Variants in MINDY4 observed in about 807,000 individuals in gnomAD.
MINDY4 encodes the protein probable ubiquitin carboxyl-terminal hydrolase MINDY-4.
A neutral mutation model predicts 87.0 loss-of-function variants in MINDY4; 68 were observed. The observed-to-expected ratio is 0.78, with a 90% CI of 0.64 to 0.96. MINDY4 has a LOEUF of 0.96. MINDY4 is among the 40% of genes least tolerant of loss of function. The probability of loss-of-function intolerance (pLI) is 0.00; values close to 1 mark genes in which losing one functional copy is unlikely to be tolerated. For missense variants in MINDY4, 919 were observed against 928.2 expected, an observed-to-expected ratio of 0.99 and a Z score of 0.13; for synonymous variants, 379 against 363.2, an observed-to-expected ratio of 1.04 and a Z score of -0.50.
intron 5 of MINDY4, among the ~76,000 whole-genome samples, chr7:30,816,108 G>C (rs1788140813): frequency 6.6e-6 from 1 of 151,934 alleles, no homozygotes; most frequent in South Asian, 2.1e-4. Context: ...CCAGCTGGAT[G>C]AGCTGTATCT....
In MINDY4 at chr7:30,791,243, G is replaced by A. The variant is rs751028070; in HGVS notation, c.742G>A (p.Val248Ile). 10 of 1,614,010 alleles carry A rather than the reference G, an allele frequency of 6.2e-6. No individual in the cohort carries two copies. Among genetic ancestry groups the A allele is most frequent in the Middle Eastern group, 1.6e-4 (1 of 6,084 alleles). Residue 248 changes from valine to isoleucine, a missense_variant, in exon 5 of 18, where the codon GTC (valine) becomes ATC (isoleucine). By Grantham distance (29) the Val-to-Ile change is conservative. Transcript: ENST00000265299. ...STQPQEESRK[V>I]PELFVCTQQD... The stretch of plus-strand genomic sequence containing the variant: ...CCAACCCCAAGAAGAGAGCCGGAAG[G>A]TCCCTGAGCTCTTTGTCTGCACCCA...
intron 5 of MINDY4, among the ~76,000 whole-genome samples, chr7:30,823,934 A>G (rs1286902036): frequency 6.6e-6 from 1 of 152,210 alleles, no homozygotes; most frequent in Non-Finnish European, 1.5e-5. Context: ...GTGCTGGGGT[A>G]TCACTGACTT....
intron 5 of MINDY4, among the ~76,000 whole-genome samples, chr7:30,818,568 C>A (rs183504587): frequency 6.6e-6 from 1 of 152,254 alleles, no homozygotes; most frequent in African/African-American, 2.4e-5. Flanking sequence ...GGACACTTGC[C>A]TCTCCTGCAC....
At chr7:30,844,999 A>G in intron 9 of MINDY4, among the ~76,000 whole-genome samples, 1 of 152,166 alleles carries the variant, frequency 6.6e-6, no homozygotes, top group Non-Finnish European at 1.5e-5. Context: ...AGAGGGAAAG[A>G]TGGTTGTTCA....
intron 5 of MINDY4, among the ~76,000 whole-genome samples, chr7:30,803,841 T>C (rs1787730502): frequency 2.6e-5 from 4 of 152,216 alleles, no homozygotes; most frequent in Non-Finnish European, 5.9e-5. Context: ...TGTACACTTA[T>C]GGTGGGTCAT....
chr7:30,778,073 G>T (rs1164057062), intron 1 of MINDY4, among the ~76,000 whole-genome samples: 1 of 152,160 alleles, frequency 6.6e-6, no homozygotes, highest in Non-Finnish European at 1.5e-5. Flanking sequence ...CCATCTCCTG[G>T]TTTCCCCATC....
At position 30,785,880 on chromosome 7, in the gene MINDY4, A is replaced by T. The variant is rs770351539; in HGVS notation, c.551A>T (p.Lys184Met). ...VLTSAWEKID[K>M]LHSEPSLDVK... is the part of the protein sequence containing the mutation. ...ACTTCTGCATGGGAGAAGATAGACA[A>T]GCTTCACTCGGAGCCTTCCTTGGAT... The change falls in exon 4 of 18, where the codon AAG becomes ATG. Residue 184 changes from lysine (K) to methionine (M), a missense_variant. By Grantham distance (95) the Lys-to-Met change is moderately conservative (BLOSUM62 -1). Coordinates refer to ENST00000265299, the MANE Select transcript of MINDY4 (RefSeq NM_032222.3). The T allele has an allele frequency of 1.9e-6, 3 of 1,614,228 alleles. No individual in the cohort carries two copies. Among genetic ancestry groups the T allele is most frequent in the Middle Eastern group, 3.3e-4 (2 of 6,062 alleles).
intron 9 of MINDY4, among the ~76,000 whole-genome samples, chr7:30,842,226 C>T (rs1019496107): frequency 4.6e-5 from 7 of 152,332 alleles, no homozygotes; most frequent in Admixed American, 2.6e-4. Flanking sequence ...TGTCCTTGTT[C>T]TTCTCTCTGC....
chr7:30,791,907 C>T (rs1787336484), intron 5 of MINDY4, among the ~76,000 whole-genome samples: 1 of 152,106 alleles, frequency 6.6e-6, no homozygotes, highest in South Asian at 2.1e-4. Flanking sequence ...AAAAAAAACT[C>T]AATGTTTTAA....
intron 9 of MINDY4, among the ~76,000 whole-genome samples, chr7:30,847,590 C>T (rs1451011626): frequency 6.6e-6 from 1 of 152,148 alleles, no homozygotes; most frequent in Non-Finnish European, 1.5e-5. Flanking sequence ...CCTCAGTTTC[C>T]CCATTTTACA....
Position 30,850,684 on chromosome 7 carries a change from C to T in MINDY4, c.1547+129C>T, listed in dbSNP as rs575666547. The stretch of plus-strand genomic sequence containing the variant: ...CCTGTGCCACATGCTGGGATGAGCC[C>T]TGCAAGCCAGCCTGATGTGCTGAGC... On this transcript the variant is annotated intron_variant, in intron 10 of 17. Transcript: ENST00000265299. The T allele has an allele frequency of 1.0e-4, 84 of 823,004 alleles. 1 individual carries two copies. In the South Asian group the frequency reaches 1.1e-3, roughly 11 times the overall value. The allele number at this position is 823,004 out of a possible 1,614,324, so 51.0% of individuals were successfully genotyped here.
intron 5 of MINDY4, among the ~76,000 whole-genome samples, chr7:30,798,309 T>C (rs1404508074): frequency 6.6e-6 from 1 of 152,168 alleles, no homozygotes; most frequent in African/African-American, 2.4e-5. Context: ...AAACCACATA[T>C]CTCATTGGGA....
In MINDY4 at chr7:30,836,744, A is replaced by G. The variant is rs374910173; in HGVS notation, c.1219A>G (p.Ile407Val). The G allele has an allele frequency of 3.7e-5, 60 of 1,613,980 alleles. No homozygotes were observed. The highest frequency in any genetic ancestry group is 3.3e-4 in the Middle Eastern group (2 of 6,084). ...CAAGTTGCAGACAGCATCAAAACCA[A>G]TTGACCTCTCAGTAGCAAAGGTAAG... ...VLKLQTASKP[I>V]DLSVAKEIKT... The change falls in exon 7 of 18, where the codon ATT becomes GTT. Residue 407 changes from isoleucine (I) to valine (V), a missense_variant. Physicochemically the swap from Ile to Val is conservative, Grantham distance 29. Transcript: ENST00000265299.
At position 30,771,458 on chromosome 7, in the gene MINDY4, G is replaced by T; in HGVS notation, c.-36G>T. The T allele has an allele frequency of 6.3e-7, 1 of 1,589,140 alleles. No homozygotes were observed. On this transcript the variant is annotated 5_prime_UTR_variant, in exon 1 of 18. Transcript: ENST00000265299. ...ACCCAGTTGCCTGGTGCTGCGGCCC[G>T]GCGTGGGCCTCGTGGGCAGAGCCAG... is the stretch of plus-strand genomic sequence containing the variant.
At chr7:30,870,279 T>C (rs1464406955) in intron 13 of MINDY4, among the ~76,000 whole-genome samples, 4 of 152,236 alleles carry the variant, frequency 2.6e-5, no homozygotes, top group Non-Finnish European at 5.9e-5. Context: ...CCAGGTGGCA[T>C]AGGGCCAGTG....
At chr7:30,790,921 C>T (rs746216951) in intron 4 of MINDY4, among the ~76,000 whole-genome samples, 6 of 152,152 alleles carry the variant, frequency 3.9e-5, no homozygotes, top group Non-Finnish European at 8.8e-5. Context: ...GTAAGGGCTG[C>T]GAGAGAAAGG....
intron 10 of MINDY4, among the ~76,000 whole-genome samples, 159 bp downstream of exon 10, chr7:30,850,714 G>A (rs911838534): frequency 2.0e-5 from 3 of 152,186 alleles, no homozygotes; most frequent in East Asian, 3.9e-4. Flanking sequence ...CTGAGCAGCC[G>A]CAGACTCAGG....
At chr7:30,843,995 C>T (rs1789123126) in intron 9 of MINDY4, among the ~76,000 whole-genome samples, 1 of 152,140 alleles carries the variant, frequency 6.6e-6, no homozygotes, top group African/African-American at 2.4e-5. Flanking sequence ...CTGGCCAGGG[C>T]CACCTTCTCC....
At chr7:30,877,368 TCATCC>T (rs1399218199) in intron 15 of MINDY4, among the ~76,000 whole-genome samples, 1 of 152,138 alleles carries the variant, frequency 6.6e-6, no homozygotes. Context: ...CCAGTTGGGG[TCATCC>T]TTCCCTTGTA....
Sources: gnomAD v4.1 joint callset for allele counts (sites outside exome capture counted in the v4.1 genomes callset) on GRCh38, gnomAD v4.1.1 for gene constraint, MANE v1.5 for transcripts, NCBI Gene and HGNC (gene_info 2026-07-23, HGNC 2026-07-21) for gene names.